AP2A1: variants seen among roughly 807,000 people sequenced by gnomAD.
AP2A1 encodes adaptor related protein complex 2 subunit alpha 1, also known as AP-2 complex subunit alpha-1.
In AP2A1, 21 loss-of-function variants were observed where a neutral mutation model predicts 107.3. The observed-to-expected ratio is 0.20, with a 90% confidence interval of 0.14 to 0.28. AP2A1 has a LOEUF of 0.28. AP2A1 is among the 10% of genes least tolerant of loss of function. The probability of loss-of-function intolerance (pLI) is 1.00; values close to 1 mark genes in which losing one functional copy is unlikely to be tolerated. For missense variants in AP2A1, 873 were observed against 1,307.7 expected (o/e 0.67, Z 5.13); for synonymous variants, 602 against 564.8 (o/e 1.07, Z -0.93).
At chr19:49,795,820 G>A in intron 7 of AP2A1, 82 bp downstream of exon 7, 1 of 1,055,386 alleles carries the variant, frequency 9.5e-7, no homozygotes, top group Non-Finnish European at 1.4e-6. Flanking sequence ...CGCACCAGGT[G>A]GGACTGGAGG....
chr19:49,806,327 C>T, intron 22 of AP2A1, 74 bp downstream of exon 22: 1 of 1,476,484 alleles, frequency 6.8e-7, no homozygotes, highest in Non-Finnish European at 9.0e-7. Context: ...CTTCCTGCCT[C>T]ACTGTTCTTT....
intron 5 of AP2A1, 91 bp from the exon 6 acceptor site, chr19:49,792,900 C>G: frequency 8.8e-7 from 1 of 1,142,574 alleles, no homozygotes; most frequent in South Asian, 1.4e-5. Flanking sequence ...CCCGACTGCA[C>G]ACACATCCCG....
intron 20 of AP2A1, 33 bp downstream of exon 20, chr19:49,805,810 G>A (rs2123769679): frequency 2.6e-6 from 4 of 1,554,248 alleles, no homozygotes; most frequent in African/African-American, 2.7e-5. Context: ...AGCCAAAGCC[G>A]CGCCTCTGGG....
intron 4 of AP2A1, among the ~76,000 whole-genome samples, chr19:49,786,594 C>CA (rs1206779877): frequency 5.3e-5 from 8 of 152,054 alleles, no homozygotes; most frequent in Admixed American, 1.3e-4. Flanking sequence ...TACGCTCTGG[C>CA]AGGGGGGGTG....
At chr19:49,798,320 C>T (rs1412716877) in intron 7 of AP2A1, among the ~76,000 whole-genome samples, 2 of 152,118 alleles carry the variant, frequency 1.3e-5, no homozygotes, top group African/African-American at 2.4e-5. Flanking sequence ...AGGATGGCAC[C>T]GAGTGTGCCT....
intron 6 of AP2A1, 62 bp downstream of exon 6, chr19:49,793,154 C>T (rs1188706785): frequency 7.2e-7 from 1 of 1,398,438 alleles, no homozygotes; most frequent in Non-Finnish European, 9.8e-7. Flanking sequence ...CCCTCTGACA[C>T]CCCTCAGGCC....
chr19:49,782,933 C>T (rs2084695133), intron 4 of AP2A1, among the ~76,000 whole-genome samples: 1 of 152,200 alleles, frequency 6.6e-6, no homozygotes, highest in South Asian at 2.1e-4. Context: ...TGAGGCTGCT[C>T]CCGGCAAAGC....
At chr19:49,780,503 G>A (rs1429232669) in intron 1 of AP2A1, among the ~76,000 whole-genome samples, 1 of 152,174 alleles carries the variant, frequency 6.6e-6, no homozygotes, top group Admixed American at 6.5e-5. Flanking sequence ...GGTCTGAGGG[G>A]TGACACCGGC....
At position 49,806,703 on chromosome 19, in the gene AP2A1, C is replaced by A. The variant is rs1432300878; in HGVS notation, c.2813C>A (p.Thr938Asn). The A allele has an allele frequency of 6.2e-7, 1 of 1,613,376 alleles. No individual in the cohort carries two copies. Among genetic ancestry groups the A allele is most frequent in the Admixed American group, 1.7e-5 (1 of 59,996 alleles). Residue 938 changes from threonine (T) to asparagine (N), a missense_variant, in exon 23 of 23, where the codon ACC becomes AAC. Around this residue, in one of 4 missense-constraint regions of AP2A1, gnomAD observed 416 missense variants for 473.4 expected, o/e 0.88. Coordinates refer to ENST00000354293, the MANE Select transcript of AP2A1 (RefSeq NM_130787.3). ...CAGATGTACCGGCTGACCCTGCGCA[C>A]CAGCAAGGAGCCCGTCTCCCGTCAC... ...QAQMYRLTLR[T>N]SKEPVSRHLC...
chr19:49,792,331 A>C (rs1448345626), intron 5 of AP2A1, among the ~76,000 whole-genome samples: 5 of 67,350 alleles, frequency 7.4e-5, no homozygotes, highest in Non-Finnish European at 1.2e-4. Context: ...CAGGGCTCCC[A>C]CCTCAGCCCT....
Position 49,805,707 on chromosome 19 carries a change from A to G in AP2A1, c.2515A>G (p.Ile839Val). 1 of 1,560,198 alleles carries G rather than the reference A, an allele frequency of 6.4e-7. No homozygotes were observed. Among genetic ancestry groups the G allele is most frequent in the Non-Finnish European group, 8.7e-7 (1 of 1,155,546 alleles). ...QALTLKLPVT[I>V]NKFFQPTEMA... ...CCTCACCCTGAAGCTCCCAGTGACC[A>G]TCAACAAGTTCTTCCAGCCCACCGA... Residue 839 changes from isoleucine to valine, a missense_variant, in exon 20 of 23, where the codon ATC (isoleucine) becomes GTC (valine). Coordinates refer to ENST00000354293, the MANE Select transcript of AP2A1 (RefSeq NM_130787.3).
chr19:49,780,890 C>T (rs1372972440), intron 1 of AP2A1, among the ~76,000 whole-genome samples: 4 of 152,026 alleles, frequency 2.6e-5, no homozygotes, highest in Non-Finnish European at 4.4e-5. Flanking sequence ...ATTAAAAGGA[C>T]GAGGCAGTAG....
intron 1 of AP2A1, among the ~76,000 whole-genome samples, chr19:49,772,991 C>T (rs2084580479): frequency 6.6e-6 from 1 of 151,340 alleles, no homozygotes; most frequent in South Asian, 2.1e-4. Context: ...CGGAGGGATG[C>T]GGAGGAGGAG....
At chr19:49,787,350 TTTTG>T (rs2084753047) in intron 4 of AP2A1, among the ~76,000 whole-genome samples, 3 of 114,920 alleles carry the variant, frequency 2.6e-5, no homozygotes, top group African/African-American at 7.3e-5. Flanking sequence ...TTTTTTTGTT[TTTTG>T]TTTTTTTTTT....
intron 1 of AP2A1, among the ~76,000 whole-genome samples, chr19:49,771,522 C>T (rs569517157): frequency 6.6e-6 from 1 of 151,918 alleles, no homozygotes; most frequent in East Asian, 1.9e-4. Context: ...GATTCTCCTG[C>T]CTCAGCCTCC....
chr19:49,802,022 A>G lies in AP2A1; in HGVS notation c.1995A>G (p.Ala665=). Residue 665 remains alanine, a synonymous_variant, in exon 15 of 23, where the codon GCA becomes GCG. Transcript: ENST00000354293. The part of the protein sequence containing the change: ...SPSADLLGLR[A]APPPAAPPAS... ...CCGCCGACCTCCTGGGGCTGCGGGC[A>G]GCCCCTCCCCCGGCAGCACCCCCGG... 6.4e-7 allele frequency: 1 copy of G among 1,560,626 alleles called. No homozygotes were observed.
chr19:49,767,342 CT>C, intron 1 of AP2A1, 142 bp downstream of exon 1: 1 of 1,059,072 alleles, frequency 9.4e-7, no homozygotes, highest in Non-Finnish European at 1.4e-6. Context: ...CCAGGAAGAA[CT>C]TTAGAGTGGG....
chr19:49,795,584 C>CCCCA, intron 6 of AP2A1, 46 bp from the exon 7 acceptor site: 2 of 659,250 alleles, frequency 3.0e-6, no homozygotes, highest in East Asian at 3.0e-5. Flanking sequence ...ACCCACGTGC[C>CCCCA]CCTCCCACCC....
intron 1 of AP2A1, 69 bp from the exon 2 acceptor site, chr19:49,781,688 C>T: frequency 1.3e-6 from 2 of 1,486,878 alleles, no homozygotes; most frequent in Admixed American, 3.9e-5. Context: ...GGGGCCGCGC[C>T]TAGGAAAGAG....
Sources: allele counts gnomAD v4.1 joint callset (sites outside exome capture counted in the v4.1 genomes callset), GRCh38; gene constraint gnomAD v4.1.1; regional missense constraint gnomAD v4.1.1; transcripts MANE v1.5; gene names NCBI Gene and HGNC (gene_info 2026-07-23, HGNC 2026-07-21).